RIMS2: variants seen among roughly 807,000 people sequenced by gnomAD.
RIMS2 encodes regulating synaptic membrane exocytosis protein 2.
RIMS2 carries 59 observed loss-of-function variants against 174.4 expected under a neutral mutation model. The observed-to-expected ratio is 0.34, with a 90% CI of 0.27 to 0.42. The LOEUF is 0.42. Ranked by LOEUF, RIMS2 falls within the 10% of genes least tolerant of loss-of-function variation. The pLI is 1.00. For synonymous variants in RIMS2, 606 were observed against 572.5 expected, an observed-to-expected ratio of 1.06 and a Z score of -0.84; for missense variants, 1,620 against 1,666.3, an observed-to-expected ratio of 0.97 and a Z score of 0.48.
chr8:103,641,941 A>G (rs1003234322), intron 1 of RIMS2, among the ~76,000 whole-genome samples: 2 of 152,088 alleles, frequency 1.3e-5, no homozygotes, highest in African/African-American at 4.8e-5. Context: ...AGCCTAATGT[A>G]TTCCTTTATA....
At chr8:104,070,165 C>G (rs572633116) in intron 19 of RIMS2, among the ~76,000 whole-genome samples, 1 of 152,290 alleles carries the variant, frequency 6.6e-6, no homozygotes, top group African/African-American at 2.4e-5. Context: ...GTACCAGTTT[C>G]TAGCTTCTTC....
chr8:103,634,017 C>T (rs1443286329), intron 1 of RIMS2, among the ~76,000 whole-genome samples: 2 of 152,060 alleles, frequency 1.3e-5, no homozygotes, highest in Non-Finnish European at 2.9e-5. Flanking sequence ...CTTGATTTCC[C>T]TCAATTCAGC....
chr8:103,567,147 A>G (rs537095643), intron 1 of RIMS2, among the ~76,000 whole-genome samples: 1 of 152,334 alleles, frequency 6.6e-6, no homozygotes, highest in East Asian at 1.9e-4. Flanking sequence ...ATGTCATAAC[A>G]TGTGTCAGTA....
intron 19 of RIMS2, among the ~76,000 whole-genome samples, chr8:104,041,669 C>CAT (rs1170561751): frequency 1.3e-5 from 2 of 151,664 alleles, no homozygotes; most frequent in South Asian, 2.1e-4. Context: ...CACACACACA[C>CAT]ATATGTTTGG....
At chr8:103,683,444 A>G (rs2096903716) in intron 1 of RIMS2, among the ~76,000 whole-genome samples, 1 of 152,206 alleles carries the variant, frequency 6.6e-6, no homozygotes, top group African/African-American at 2.4e-5. Context: ...TTCATGAGAT[A>G]TCTGTCCACA....
At chr8:104,232,003 C>G (rs1257288236) in intron 19 of RIMS2, among the ~76,000 whole-genome samples, 1 of 151,868 alleles carries the variant, frequency 6.6e-6, no homozygotes, top group Non-Finnish European at 1.5e-5. Context: ...GCTCTAGGAA[C>G]TTACTACCAC....
chr8:103,529,954 G>GCGTT (rs766256435), intron 1 of RIMS2, among the ~76,000 whole-genome samples: 5 of 152,198 alleles, frequency 3.3e-5, no homozygotes, highest in Non-Finnish European at 2.9e-5. Context: ...GTACTAAAGA[G>GCGTT]CGTTCTTCAG....
chr8:103,612,813 G>A (rs1451277098), intron 1 of RIMS2, among the ~76,000 whole-genome samples: 4 of 152,012 alleles, frequency 2.6e-5, no homozygotes, highest in African/African-American at 2.4e-5. Context: ...CTCATGATCC[G>A]CCTGCCTCAG....
intron 19 of RIMS2, among the ~76,000 whole-genome samples, chr8:104,240,483 A>T (rs750261515): frequency 6.6e-6 from 1 of 152,236 alleles, no homozygotes; most frequent in Non-Finnish European, 1.5e-5. Context: ...ATAAGCCTAT[A>T]AATGTATTTG....
At chr8:104,113,458 T>C (rs2131884603) in intron 19 of RIMS2, among the ~76,000 whole-genome samples, 1 of 152,278 alleles carries the variant, frequency 6.6e-6, no homozygotes, top group Admixed American at 6.5e-5. Context: ...AGGAGACTGC[T>C]CTTTACTTGG....
At chr8:103,757,227 T>C (rs2140007999) in intron 2 of RIMS2, among the ~76,000 whole-genome samples, 1 of 152,178 alleles carries the variant, frequency 6.6e-6, no homozygotes, top group East Asian at 1.9e-4. Context: ...AAAGCATTGC[T>C]AATTTTTATA....
At chr8:104,110,577 G>A (rs1325312439) in intron 19 of RIMS2, among the ~76,000 whole-genome samples, 2 of 152,036 alleles carry the variant, frequency 1.3e-5, no homozygotes, top group African/African-American at 4.8e-5. Context: ...CTCTTGTTAA[G>A]TCTTTTTAAA....
chr8:103,787,207 G>T (rs1177064041), intron 3 of RIMS2, among the ~76,000 whole-genome samples: 1 of 148,270 alleles, frequency 6.7e-6, no homozygotes, highest in Admixed American at 6.7e-5. Context: ...CACACTGATG[G>T]GTCTTGACTC....
chr8:104,201,558 A>T (rs1022731713), intron 19 of RIMS2, among the ~76,000 whole-genome samples: 2 of 152,158 alleles, frequency 1.3e-5, no homozygotes, highest in Non-Finnish European at 2.9e-5. Context: ...TTATGTTTCT[A>T]TTATATTTAA....
intron 3 of RIMS2, chr8:103,819,688 T>C: frequency 7.3e-7 from 1 of 1,368,714 alleles, no homozygotes; most frequent in Non-Finnish European, 1.0e-6. Context: ...TAATCTTATA[T>C]GCCAGTAAAA....
At chr8:104,215,654 C>T (rs1191922001) in intron 19 of RIMS2, among the ~76,000 whole-genome samples, 3 of 152,182 alleles carry the variant, frequency 2.0e-5, no homozygotes, top group African/African-American at 7.2e-5. Flanking sequence ...TAATAGGAGA[C>T]ATGTTTCTTC....
intron 2 of RIMS2, among the ~76,000 whole-genome samples, chr8:103,740,739 A>G (rs1471918416): frequency 6.6e-6 from 1 of 152,188 alleles, no homozygotes; most frequent in Non-Finnish European, 1.5e-5. Context: ...GACCTTTTAC[A>G]GTAAAACTGT....
chr8:103,802,255 G>A (rs2098615236), intron 3 of RIMS2, among the ~76,000 whole-genome samples: 1 of 152,108 alleles, frequency 6.6e-6, no homozygotes. Flanking sequence ...TTAATAAATT[G>A]TAAGGCGTTC....
chr8:103,650,381 G>A (rs1172890492), intron 1 of RIMS2, among the ~76,000 whole-genome samples: 2 of 152,164 alleles, frequency 1.3e-5, no homozygotes, highest in Non-Finnish European at 2.9e-5. Context: ...CTGCTGGGAG[G>A]TCTCACCCAG....
Sources: allele counts gnomAD v4.1 joint callset (sites outside exome capture counted in the v4.1 genomes callset), GRCh38; gene constraint gnomAD v4.1.1; transcripts MANE v1.5; gene names NCBI Gene and HGNC (gene_info 2026-07-23, HGNC 2026-07-21).